Variants in DOCK7 observed in about 807,000 individuals in gnomAD.
The protein encoded by DOCK7 is dedicator of cytokinesis 7, also known as dedicator of cytokinesis protein 7.
In DOCK7, 138 loss-of-function variants were observed where a neutral mutation model predicts 271.0. The observed-to-expected ratio is 0.51, with a 90% CI of 0.44 to 0.59. The LOEUF (loss-of-function observed/expected upper bound fraction) is 0.59, where lower values mean the gene tolerates loss of function less well. Ranked by LOEUF, DOCK7 falls within the 20% of genes least tolerant of loss-of-function variation. The pLI, the probability that DOCK7 is intolerant of heterozygous loss-of-function variation, is 0.00. For missense variants in DOCK7, 2,066 were observed against 2,592.4 expected (o/e 0.80, Z 4.41); for synonymous variants, 823 against 876.1 (o/e 0.94, Z 1.07).
intron 1 of DOCK7, among the ~76,000 whole-genome samples, chr1:62,666,409 T>A (rs1443938412): frequency 1.3e-5 from 2 of 152,164 alleles, no homozygotes; most frequent in African/African-American, 4.8e-5. Flanking sequence ...CTACATGACA[T>A]TAATTTCCCC....
intron 31 of DOCK7, among the ~76,000 whole-genome samples, chr1:62,516,228 T>C (rs922749198): frequency 7.2e-5 from 11 of 152,148 alleles, no homozygotes; most frequent in African/African-American, 2.7e-4. Context: ...TTTGCCTACA[T>C]TAAAAATGAG....
chr1:62,635,062 TAAG>T (rs1655089008), intron 8 of DOCK7, 140 bp from the exon 9 acceptor site: 1 of 467,164 alleles, frequency 2.1e-6, no homozygotes. Flanking sequence ...GTAATTATAA[TAAG>T]AAAACATTTA....
rs186305440 is a variant in DOCK7 at position 62,462,192 on chromosome 1, G to A, written c.6213-4487C>T. ...TTAAGAAAACATTTAAAAGACCTAAGTAAATGGAAAAATATACCATATTCA... is the reference window on the plus strand; with the variant it reads ...TTAAGAAAACATTTAAAAGACCTAAATAAATGGAAAAATATACCATATTCA... On this transcript the variant is annotated intron_variant, in intron 48 of 49. Transcript: ENST00000635253. Among the ~76,000 whole-genome samples, 287 of 152,098 alleles carry A rather than the reference G, an allele frequency of 1.9e-3. 1 individual carries two copies. Among genetic ancestry groups the A allele is most frequent in the Middle Eastern group, 0.014 (4 of 294 alleles).
chr1:62,578,717 CAAAA>C (rs33969170), intron 17 of DOCK7, 107 bp downstream of exon 17: 490 of 310,796 alleles, frequency 1.6e-3, no homozygotes, highest in East Asian at 3.2e-3. Flanking sequence ...GACTCTGTCT[CAAAA>C]AAAAAAAAAA....
intron 18 of DOCK7, among the ~76,000 whole-genome samples, chr1:62,568,819 A>G (rs1419667087): frequency 6.6e-6 from 1 of 150,748 alleles, no homozygotes; most frequent in African/African-American, 2.4e-5. Flanking sequence ...TTTTTTTTTG[A>G]AAAAATTAAT....
intron 41 of DOCK7, 99 bp from the exon 42 acceptor site, chr1:62,489,164 C>T: frequency 1.7e-6 from 2 of 1,208,058 alleles, no homozygotes; most frequent in Non-Finnish European, 2.2e-6. Context: ...AGATAATACA[C>T]TGAGGCCAGA....
At chr1:62,622,018 GC>G (rs1367490260) in intron 12 of DOCK7, among the ~76,000 whole-genome samples, 1 of 152,130 alleles carries the variant, frequency 6.6e-6, no homozygotes, top group Non-Finnish European at 1.5e-5. Flanking sequence ...CCTAGGCCTG[GC>G]CACATGCCTT....
chr1:62,632,999 A>G (rs545272410), intron 10 of DOCK7, among the ~76,000 whole-genome samples: 28 of 152,220 alleles, frequency 1.8e-4, no homozygotes, highest in African/African-American at 6.7e-4. Flanking sequence ...AAATCTAGAA[A>G]TTAGCCATCT....
chr1:62,544,304 T>C (rs1050918696), intron 23 of DOCK7, among the ~76,000 whole-genome samples: 10 of 152,178 alleles, frequency 6.6e-5, no homozygotes, highest in African/African-American at 1.9e-4. Flanking sequence ...ATGAGAAGTA[T>C]ATTTTGAGAT....
rs139793443 is a variant in DOCK7 at position 62,633,567 on chromosome 1, G to C, written c.1047C>G (p.Val349=). ...DVFLVIKLEK[V]LQQGDIGECA... is the part of the protein sequence containing the mutation. ...ACTCTCCAATGTCTCCTTGCTGTAG[G>C]ACTTTTTCTAGCTGTCAAAGGCAAA... The change falls in exon 10 of 50, where the codon GTC becomes GTG. Residue 349 remains valine, a synonymous_variant. Transcript: ENST00000635253. 25 of 1,611,842 alleles carry C rather than the reference G, an allele frequency of 1.6e-5. No homozygotes were observed. In the Admixed American group the frequency reaches 4.2e-4, roughly 27 times the overall value.
At chr1:62,561,506 C>T (rs961236138) in intron 19 of DOCK7, 111 bp downstream of exon 19, 15 of 513,116 alleles carry the variant, frequency 2.9e-5, no homozygotes, top group Non-Finnish European at 3.9e-5. Flanking sequence ...TCTCATAAAT[C>T]TGACAGCAAT....
chr1:62,611,368 A>T (rs1049560456), intron 14 of DOCK7, among the ~76,000 whole-genome samples: 2 of 152,160 alleles, frequency 1.3e-5, no homozygotes, highest in African/African-American at 4.8e-5. Context: ...TTTGTTTTGG[A>T]TTTTGGAATA....
intron 1 of DOCK7, among the ~76,000 whole-genome samples, chr1:62,675,856 A>C (rs1253965101): frequency 6.6e-6 from 1 of 152,140 alleles, no homozygotes; most frequent in African/African-American, 2.4e-5. Context: ...ACCACTTCAC[A>C]CTCACCAGAA....
At chr1:62,638,920 T>C (rs1449848606) in intron 7 of DOCK7, among the ~76,000 whole-genome samples, 1 of 152,004 alleles carries the variant, frequency 6.6e-6, no homozygotes, top group African/African-American at 2.4e-5. Flanking sequence ...TAGCTCTTTT[T>C]TTTTAGTTGA....
chr1:62,677,618 G>A (rs1313263498), intron 1 of DOCK7, among the ~76,000 whole-genome samples: 1 of 151,770 alleles, frequency 6.6e-6, no homozygotes, highest in African/African-American at 2.4e-5. Flanking sequence ...ATCTGCCAAG[G>A]GGGTCCAAAT....
intron 18 of DOCK7, among the ~76,000 whole-genome samples, chr1:62,566,034 T>C (rs536091297): frequency 6.6e-6 from 1 of 152,312 alleles, no homozygotes; most frequent in South Asian, 2.1e-4. Flanking sequence ...TACACATTAC[T>C]GCTCAAGGAA....
intron 40 of DOCK7, 79 bp from the exon 41 acceptor site, chr1:62,492,926 A>G (rs1298136152): frequency 8.3e-7 from 1 of 1,208,364 alleles, no homozygotes; most frequent in Non-Finnish European, 1.2e-6. Context: ...ATAACTGAAG[A>G]TGAACTGTAA....
At chr1:62,675,609 C>T (rs976280247) in intron 1 of DOCK7, among the ~76,000 whole-genome samples, 2 of 151,846 alleles carry the variant, frequency 1.3e-5, no homozygotes, top group Non-Finnish European at 2.9e-5. Context: ...GGTGAAACCC[C>T]GTCTCTACTA....
intron 33 of DOCK7, among the ~76,000 whole-genome samples, chr1:62,513,072 T>C (rs1270484520): frequency 6.7e-6 from 1 of 150,030 alleles, no homozygotes; most frequent in Non-Finnish European, 1.5e-5. Flanking sequence ...TACTAAGGGG[T>C]ATATGGGAAA....
Sources: allele counts gnomAD v4.1 joint callset (sites outside exome capture counted in the v4.1 genomes callset), GRCh38; gene constraint gnomAD v4.1.1; transcripts MANE v1.5; gene names NCBI Gene and HGNC (gene_info 2026-07-23, HGNC 2026-07-21).